The following MYO9A variants were observed in gnomAD, a reference collection of about 807,000 sequenced individuals.
The protein encoded by MYO9A is myosin IXA.
Under a neutral mutation model 293.3 loss-of-function variants are expected in MYO9A, and 103 were observed. The observed-to-expected ratio is 0.35, with a 90% CI of 0.30 to 0.41. The LOEUF (loss-of-function observed/expected upper bound fraction) is 0.41. MYO9A is among the 10% of genes least tolerant of loss of function. The pLI, the probability that MYO9A is intolerant of heterozygous loss-of-function variation, is 1.00. For missense variants in MYO9A, 2,685 were observed against 3,033.0 expected (o/e 0.89, Z 2.69); for synonymous variants, 1,001 against 1,035.7 (o/e 0.97, Z 0.64).
At chr15:71,980,203 G>A (rs1408590619) in intron 11 of MYO9A, among the ~76,000 whole-genome samples, 2 of 152,102 alleles carry the variant, frequency 1.3e-5, no homozygotes, top group Non-Finnish European at 2.9e-5. Flanking sequence ...AACGTCTTAT[G>A]ACCATTTCCA....
At chr15:71,867,595 T>TAAAAAAAAAAAAA in intron 32 of MYO9A, among the ~76,000 whole-genome samples, 1 of 125,400 alleles carries the variant, frequency 8.0e-6, no homozygotes, top group Non-Finnish European at 1.7e-5. Flanking sequence ...AGACTGCAGT[T>TAAAAAAAAAAAAA]AAAAAAAAAA....
intron 18 of MYO9A, among the ~76,000 whole-genome samples, chr15:71,931,474 G>C (rs193229040): frequency 9.5e-4 from 145 of 152,252 alleles, no homozygotes; most frequent in Non-Finnish European, 2.5e-4. Flanking sequence ...TCTTGTGGGG[G>C]ACCCTTGTAT....
At chr15:72,018,973 G>A in intron 6 of MYO9A, 66 bp downstream of exon 6, 2 of 1,224,398 alleles carry the variant, frequency 1.6e-6, no homozygotes, top group Non-Finnish European at 2.4e-6. Context: ...ATCTTCAGAT[G>A]GATGCAAATG....
At chr15:71,944,870 A>C (rs529846780) in intron 15 of MYO9A, among the ~76,000 whole-genome samples, 1 of 152,204 alleles carries the variant, frequency 6.6e-6, no homozygotes, top group African/African-American at 2.4e-5. Context: ...CTACCAAAAA[A>C]TCTGCTATTA....
intron 27 of MYO9A, 52 bp from the exon 28 acceptor site, chr15:71,883,788 A>G: frequency 6.9e-7 from 1 of 1,449,866 alleles, no homozygotes; most frequent in African/African-American, 1.4e-5. Flanking sequence ...CTCAGTGATA[A>G]TATTTGTATA....
At chr15:71,842,016 ACT>A (rs1300589982) in intron 39 of MYO9A, among the ~76,000 whole-genome samples, 1 of 151,544 alleles carries the variant, frequency 6.6e-6, no homozygotes, top group African/African-American at 2.4e-5. Context: ...GTGTATAAGA[ACT>A]CTCTTTCTCT....
chr15:72,070,167 C>T (rs989672624), intron 1 of MYO9A, among the ~76,000 whole-genome samples: 4 of 144,104 alleles, frequency 2.8e-5, no homozygotes, highest in African/African-American at 5.2e-5. Context: ...GTAGGCCCAG[C>T]GAGGTGGCTC....
At position 72,094,238 on chromosome 15, in the gene MYO9A, GAAGA is replaced by G. The variant is rs1267902497; in HGVS notation, c.-72+23438_-72+23441del. Among the ~76,000 whole-genome samples the G allele has an allele frequency of 8.7e-4, 72 of 82,914 alleles. 6 individuals are homozygous for G. Among genetic ancestry groups the G allele is most frequent in the African/African-American group, 1.9e-3 (69 of 36,590 alleles). 54.4% of individuals were successfully genotyped at this position (82,914 alleles called of 152,430 possible). ...AGAAAGAAGAAAGAGGAAGGAGGAA[GAAGA>G]AAGAAGGAAGAGGAGGAGGAGGAGG... On this transcript the variant is annotated intron_variant, in intron 1 of 41. Transcript: ENST00000356056.
At chr15:72,085,591 G>C (rs1567024185) in intron 1 of MYO9A, among the ~76,000 whole-genome samples, 1 of 151,944 alleles carries the variant, frequency 6.6e-6, no homozygotes, top group African/African-American at 2.4e-5. Flanking sequence ...TATGATCTTC[G>C]TTCCTATCCA....
chr15:72,037,129 T>G (rs1336218081), intron 2 of MYO9A, among the ~76,000 whole-genome samples: 1 of 151,464 alleles, frequency 6.6e-6, no homozygotes, highest in Non-Finnish European at 1.5e-5. Context: ...TACTTGGAAA[T>G]CACTTGCTTA....
chr15:71,984,132 G>C (rs1596322423), intron 11 of MYO9A, among the ~76,000 whole-genome samples: 1 of 152,198 alleles, frequency 6.6e-6, no homozygotes, highest in East Asian at 1.9e-4. Flanking sequence ...TGTGGTACAT[G>C]AGATATTCAA....
At chr15:71,849,988 A>C in intron 38 of MYO9A, 48 bp downstream of exon 38, 1 of 1,441,452 alleles carries the variant, frequency 6.9e-7, no homozygotes, top group Non-Finnish European at 9.6e-7. Context: ...GTGACTACAT[A>C]GTCAGAAGTC....
intron 26 of MYO9A, 153 bp from the exon 27 acceptor site, chr15:71,888,269 A>T: frequency 2.2e-6 from 1 of 446,358 alleles, no homozygotes; most frequent in Admixed American, 4.1e-5. Context: ...GAGCCTACTG[A>T]AAACTCTATA....
chr15:71,825,637 G>A lies in MYO9A; in HGVS notation c.*943C>T, dbSNP rs1016810544. On this transcript the variant is annotated 3_prime_UTR_variant, in exon 42 of 42. Coordinates refer to ENST00000356056, the MANE Select transcript of MYO9A (RefSeq NM_006901.4). ...TTGTTTGAGTCTGAGTCTGTGGTGG[G>A]AATCCACCAGCAGATGAACAGGCTC... 3 of 152,188 alleles carry A rather than the reference G, an allele frequency of 2.0e-5. No homozygotes were observed. The highest frequency in any genetic ancestry group is 7.2e-5 in the African/African-American group (3 of 41,448). The allele number at this position is 152,188 out of a possible 1,614,324, so 9.4% of individuals were successfully genotyped here.
At chr15:71,956,105 G>C (rs1284580764) in intron 14 of MYO9A, among the ~76,000 whole-genome samples, 5 of 150,742 alleles carry the variant, frequency 3.3e-5, no homozygotes, top group Non-Finnish European at 7.4e-5. Context: ...AGGAGTTCAA[G>C]ACCAGCCTGG....
Position 72,045,889 on chromosome 15 carries a change from G to A in MYO9A, c.675C>T (p.Ala225=). 1 of 1,614,064 alleles carries A rather than the reference G, an allele frequency of 6.2e-7. No homozygotes were observed. The highest frequency in any genetic ancestry group is 2.2e-5 in the East Asian group (1 of 44,858). The stretch of plus-strand genomic sequence containing the variant: ...ACTGATTCTTTTTGCGCTGAAGCAT[G>A]GCATGATAAGCTACATCAGCCACAG... ...IYAVADVAYH[A]MLQRKKNQCI... is the part of the protein sequence containing the mutation. Residue 225 remains alanine (A), a synonymous_variant, in exon 2 of 42, where the codon GCC becomes GCT. Transcript: ENST00000356056.
chr15:71,855,351 G>T (rs1045917886), intron 34 of MYO9A, among the ~76,000 whole-genome samples: 2 of 152,142 alleles, frequency 1.3e-5, no homozygotes, highest in Non-Finnish European at 2.9e-5. Flanking sequence ...GGCCAGGCTG[G>T]TCTCGAGCTC....
At chr15:72,050,384 A>C (rs998029833) in intron 1 of MYO9A, among the ~76,000 whole-genome samples, 1 of 152,066 alleles carries the variant, frequency 6.6e-6, no homozygotes, top group African/African-American at 2.4e-5. Flanking sequence ...CGAGGCGGAT[A>C]GATCACGAGG....
intron 14 of MYO9A, among the ~76,000 whole-genome samples, chr15:71,956,834 T>C (rs192958709): frequency 8.2e-6 from 1 of 121,482 alleles, no homozygotes; most frequent in Non-Finnish European, 1.7e-5. Flanking sequence ...GCTATATATA[T>C]ATACACACAC....
Sources: gnomAD v4.1 joint callset for allele counts (sites outside exome capture counted in the v4.1 genomes callset) on GRCh38, gnomAD v4.1.1 for gene constraint, MANE v1.5 for transcripts, NCBI Gene and HGNC (gene_info 2026-07-23, HGNC 2026-07-21) for gene names.